The following PRDM16 variants were observed in gnomAD, a reference collection of about 807,000 sequenced individuals.
PRDM16 encodes the protein PR/SET domain 16.
Under a neutral mutation model 110.6 loss-of-function variants are expected in PRDM16, and 23 were observed. The observed-to-expected ratio is 0.21, with a 90% CI of 0.15 to 0.29. PRDM16 has a LOEUF of 0.29. Ranked by LOEUF, PRDM16 falls within the 10% of genes least tolerant of loss-of-function variation. The probability of loss-of-function intolerance (pLI) is 1.00; values close to 1 mark genes in which losing one functional copy is unlikely to be tolerated. For missense variants in PRDM16, 1,615 were observed against 1,794.3 expected, an observed-to-expected ratio of 0.90 and a Z score of 1.81; for synonymous variants, 799 against 781.8, an observed-to-expected ratio of 1.02 and a Z score of -0.37.
intron 1 of PRDM16, among the ~76,000 whole-genome samples, chr1:3,184,307 T>C (rs2100793968): frequency 6.6e-6 from 1 of 152,290 alleles, no homozygotes; most frequent in Admixed American, 6.5e-5. Context: ...TTGCAACCAG[T>C]GTGAGGAATC....
At chr1:3,164,333 CCTT>C (rs1557494717) in intron 1 of PRDM16, among the ~76,000 whole-genome samples, 1 of 152,230 alleles carries the variant, frequency 6.6e-6, no homozygotes, top group Admixed American at 6.5e-5. Context: ...GGTTTTGCCT[CCTT>C]GTTTCTAATT....
chr1:3,099,414 C>A (rs755300396), intron 1 of PRDM16, among the ~76,000 whole-genome samples: 1 of 152,240 alleles, frequency 6.6e-6, no homozygotes, highest in Non-Finnish European at 1.5e-5. Flanking sequence ...ACCAGCCTCA[C>A]GGAGGCCCCG....
At chr1:3,113,394 C>G (rs1329924885) in intron 1 of PRDM16, among the ~76,000 whole-genome samples, 3 of 151,812 alleles carry the variant, frequency 2.0e-5, no homozygotes, top group Non-Finnish European at 4.4e-5. Context: ...TGACTCAGTC[C>G]TCAGCTGGGC....
At chr1:3,073,161 C>T (rs1003423729) in intron 1 of PRDM16, among the ~76,000 whole-genome samples, 4 of 152,196 alleles carry the variant, frequency 2.6e-5, no homozygotes, top group Non-Finnish European at 5.9e-5. Context: ...GGGCAGGGGA[C>T]CAGGTCTGCC....
chr1:3,333,902 T>G lies in PRDM16; in HGVS notation c.439-51250T>G, dbSNP rs540418186. 2.0e-5 allele frequency among the ~76,000 whole-genome samples: 3 copies of G among 152,138 alleles called. No homozygotes were observed. In the South Asian group the frequency reaches 6.2e-4, roughly 32 times the overall value. On this transcript the variant is annotated intron_variant, in intron 3 of 16. Transcript: ENST00000270722. ...CGCAGGCTCCCCTCCCCTTCTGCCA[T>G]GAGTAAAAGCTCCCTGAGGCCTCCC...
At chr1:3,374,103 C>G (rs114860853) in intron 3 of PRDM16, among the ~76,000 whole-genome samples, 2,695 of 152,332 alleles carry the variant, frequency 0.018, 81 homozygotes, top group African/African-American at 0.062. Context: ...ACGAGGCAAA[C>G]CTCTCAGGAG....
In PRDM16 at chr1:3,358,216, C is replaced by T. The variant is rs1642646162; in HGVS notation, c.439-26936C>T. Among the ~76,000 whole-genome samples the T allele has an allele frequency of 6.6e-6, 1 of 152,216 alleles. No individual in the cohort carries two copies. The highest frequency in any genetic ancestry group is 2.4e-5 in the African/African-American group (1 of 41,474). ...TGGCCTTGGAGGGAAGTTTGTCTTCCTCCCTGTACACAGATAAAGTCACCA... is the reference window on the plus strand; with the variant it reads ...TGGCCTTGGAGGGAAGTTTGTCTTCTTCCCTGTACACAGATAAAGTCACCA... On this transcript the variant is annotated intron_variant, in intron 3 of 16. Coordinates refer to ENST00000270722, the MANE Select transcript of PRDM16 (RefSeq NM_022114.4). The surrounding 1 kb of genome is among the most constrained non-coding windows in gnomAD (Gnocchi z 4.0).
In PRDM16 at chr1:3,157,397, G is replaced by A. The variant is rs1643867086; in HGVS notation, c.38-28728G>A. Among the ~76,000 whole-genome samples the A allele has an allele frequency of 6.9e-6, 1 of 145,346 alleles. No homozygotes were observed. The highest frequency in any genetic ancestry group is 2.2e-4 in the South Asian group (1 of 4,564). ...ATTTGATCTGGGGACCTGCCCCCAG[G>A]CTCCCAGGCCTTTTGCGATCCCATT... On this transcript the variant is annotated intron_variant, in intron 1 of 16. Transcript: ENST00000270722. This position sits in a 1 kb window ranked among gnomAD's most constrained non-coding sequence, Gnocchi z 4.8.
At chr1:3,071,586 C>T (rs547195619) in intron 1 of PRDM16, among the ~76,000 whole-genome samples, 1 of 152,246 alleles carries the variant, frequency 6.6e-6, no homozygotes, top group Non-Finnish European at 1.5e-5. Flanking sequence ...AAGGCAGGAT[C>T]CGCTGAAGAA....
Position 3,287,504 on chromosome 1 carries a change from C to T in PRDM16, c.438+43367C>T, listed in dbSNP as rs12027776. Among the ~76,000 whole-genome samples the T allele has an allele frequency of 4.6e-3, 325 of 70,616 alleles. 48 individuals are homozygous for T. In the East Asian group the frequency reaches 0.07, roughly 15 times the overall value. 46.3% of individuals were successfully genotyped at this position (70,616 alleles called of 152,430 possible). ...GGATTGCATTTACCGGGGCTGGAGC[C>T]GCCCCGCCACGCGGGCATCCAGGAT... On this transcript the variant is annotated intron_variant, in intron 3 of 16. Transcript: ENST00000270722.
At chr1:3,163,913 C>A (rs946726206) in intron 1 of PRDM16, among the ~76,000 whole-genome samples, 3 of 152,372 alleles carry the variant, frequency 2.0e-5, no homozygotes, top group African/African-American at 7.2e-5. Context: ...GGACTGCAAC[C>A]TACGAATATG....
chr1:3,223,135 G>A (rs965467287), intron 2 of PRDM16, among the ~76,000 whole-genome samples: 102 of 114,294 alleles, frequency 8.9e-4, no homozygotes, highest in African/African-American at 3.9e-3. Context: ...TTTTGAGACA[G>A]AGTCTTGCTC....
At chr1:3,166,899 C>A (rs911374627) in intron 1 of PRDM16, among the ~76,000 whole-genome samples, 29 of 152,332 alleles carry the variant, frequency 1.9e-4, no homozygotes, top group African/African-American at 6.0e-4. Flanking sequence ...GCCTACGAAG[C>A]AGGTGCTGTT....
chr1:3,217,100 G>A (rs1021725318), intron 2 of PRDM16, among the ~76,000 whole-genome samples: 43 of 152,396 alleles, frequency 2.8e-4, no homozygotes, highest in African/African-American at 1.0e-3. Context: ...AGGGCTCCGT[G>A]ACCAAAGCTC....
chr1:3,349,515 C>T (rs749036150), intron 3 of PRDM16, among the ~76,000 whole-genome samples: 14 of 152,302 alleles, frequency 9.2e-5, no homozygotes, highest in Non-Finnish European at 1.3e-4. Flanking sequence ...GGCTTGGCTC[C>T]GAGCTTATTT....
intron 3 of PRDM16, among the ~76,000 whole-genome samples, chr1:3,319,302 A>G (rs537815968): frequency 1.4e-4 from 22 of 152,310 alleles, no homozygotes; most frequent in African/African-American, 5.1e-4. Flanking sequence ...GGGAGAGATT[A>G]GGAGCTGGCA....
intron 1 of PRDM16, among the ~76,000 whole-genome samples, chr1:3,105,645 G>T (rs1041798023): frequency 9.2e-5 from 14 of 152,242 alleles, no homozygotes; most frequent in African/African-American, 2.9e-4. Context: ...GGCCAGCGCA[G>T]ATTCCTATGG....
intron 3 of PRDM16, among the ~76,000 whole-genome samples, chr1:3,249,089 A>G (rs1639863806): frequency 6.6e-6 from 1 of 152,242 alleles, no homozygotes; most frequent in Non-Finnish European, 1.5e-5. Flanking sequence ...GTTCCTGGCC[A>G]TGCCAGGCTT....
intron 1 of PRDM16, among the ~76,000 whole-genome samples, chr1:3,176,365 A>T (rs1023254362): frequency 7.8e-6 from 1 of 128,260 alleles, no homozygotes; most frequent in Non-Finnish European, 1.7e-5. Flanking sequence ...TCCTGGAGGC[A>T]TTCACACCTT....
Sources: gnomAD v4.1 joint callset for allele counts (sites outside exome capture counted in the v4.1 genomes callset) on GRCh38, gnomAD v4.1.1 for gene constraint, Gnocchi (gnomAD v3.1) non-coding constraint, MANE v1.5 for transcripts, NCBI Gene and HGNC (gene_info 2026-07-23, HGNC 2026-07-21) for gene names.